PRMT3: variants seen among roughly 807,000 people sequenced by gnomAD.
The protein encoded by PRMT3 is protein arginine methyltransferase 3, also known as protein arginine N-methyltransferase 3.
In PRMT3, 62 loss-of-function variants were observed where a neutral mutation model predicts 71.9. The ratio of observed to expected loss-of-function variants is 0.86; its 90% confidence interval spans 0.70 to 1.07. The LOEUF (loss-of-function observed/expected upper bound fraction) is 1.07, where lower values mean the gene tolerates loss of function less well. Among genes scored for constraint, PRMT3 ranks in the 50% least tolerant of loss-of-function variants. PRMT3 has a pLI of 0.00. For synonymous variants in PRMT3, 213 were observed against 220.4 expected (o/e 0.97, Z 0.30); for missense variants, 663 against 643.0 (o/e 1.03, Z -0.34).
chr11:20,423,511 G>T (rs1590053481), intron 9 of PRMT3, among the ~76,000 whole-genome samples: 1 of 152,132 alleles, frequency 6.6e-6, no homozygotes, highest in South Asian at 2.1e-4. Flanking sequence ...TTGCAACAGA[G>T]ATCATATGTC....
chr11:20,389,598 A>T (rs1848667961), intron 2 of PRMT3, 146 bp from the exon 3 acceptor site: 1 of 527,040 alleles, frequency 1.9e-6, no homozygotes, highest in African/African-American at 1.9e-5. Context: ...TTCCTTTCAG[A>T]TACAAGTGTG....
intron 10 of PRMT3, among the ~76,000 whole-genome samples, chr11:20,434,072 A>G (rs1849713223): frequency 6.6e-6 from 1 of 152,040 alleles, no homozygotes; most frequent in Non-Finnish European, 1.5e-5. Context: ...AGCCATTCTG[A>G]CTGGTGTGAG....
At chr11:20,398,646 G>T (rs1292668642) in intron 7 of PRMT3, among the ~76,000 whole-genome samples, 1 of 152,044 alleles carries the variant, frequency 6.6e-6, no homozygotes, top group Non-Finnish European at 1.5e-5. Context: ...GTAGAGACGG[G>T]GTTTCACCGT....
intron 13 of PRMT3, among the ~76,000 whole-genome samples, chr11:20,477,309 C>T (rs1850814790): frequency 6.6e-6 from 1 of 152,144 alleles, no homozygotes; most frequent in African/African-American, 2.4e-5. Context: ...GGTGTAGCAG[C>T]TCACGGCTGT....
chr11:20,496,200 T>A (rs1851328312), intron 15 of PRMT3, among the ~76,000 whole-genome samples: 1 of 152,150 alleles, frequency 6.6e-6, no homozygotes, highest in Non-Finnish European at 1.5e-5. Context: ...TAAATAAATG[T>A]GGTAGTTGCA....
chr11:20,402,857 C>T (rs1298848821), intron 7 of PRMT3, 62 bp from the exon 8 acceptor site: 2 of 1,344,808 alleles, frequency 1.5e-6, no homozygotes, highest in Admixed American at 3.7e-5. Context: ...AAATATCTCC[C>T]TTAAAAAATT....
chr11:20,476,218 T>C (rs1253547859), intron 13 of PRMT3, among the ~76,000 whole-genome samples: 1 of 151,798 alleles, frequency 6.6e-6, no homozygotes, highest in East Asian at 2.0e-4. Context: ...CCAGGCGTGA[T>C]GGCAGGCGCC....
At chr11:20,492,472 G>GAACC (rs1464575229) in intron 13 of PRMT3, among the ~76,000 whole-genome samples, 1 of 152,092 alleles carries the variant, frequency 6.6e-6, no homozygotes, top group Non-Finnish European at 1.5e-5. Context: ...AAATTGCAGT[G>GAACC]AACCTCAGGG....
At chr11:20,411,875 T>G (rs1849200891) in intron 9 of PRMT3, among the ~76,000 whole-genome samples, 2 of 152,282 alleles carry the variant, frequency 1.3e-5, no homozygotes, top group East Asian at 3.9e-4. Context: ...TCACAGTTGA[T>G]TCAGAGGGAA....
chr11:20,391,886 A>G (rs138331109), intron 3 of PRMT3, among the ~76,000 whole-genome samples: 8 of 137,030 alleles, frequency 5.8e-5, no homozygotes, highest in Admixed American at 7.7e-5. Flanking sequence ...CTCTGATATC[A>G]GTTGCCAAAT....
intron 13 of PRMT3, among the ~76,000 whole-genome samples, chr11:20,475,671 T>G (rs1005974227): frequency 2.5e-5 from 2 of 81,162 alleles, no homozygotes; most frequent in Non-Finnish European, 5.4e-5. Flanking sequence ...TTTTTTTTTT[T>G]GAGACAGAGT....
intron 15 of PRMT3, 53 bp from the exon 16 acceptor site, chr11:20,508,251 T>A: frequency 9.7e-7 from 1 of 1,028,972 alleles, no homozygotes; most frequent in Non-Finnish European, 1.5e-6. Context: ...TGTTTACTTT[T>A]CTGCTACACT....
At chr11:20,444,674 G>GTC (rs977350970) in intron 10 of PRMT3, among the ~76,000 whole-genome samples, 1 of 152,050 alleles carries the variant, frequency 6.6e-6, no homozygotes, top group Non-Finnish European at 1.5e-5. Context: ...CCAGCATGTG[G>GTC]TCTCTCTCAT....
chr11:20,433,241 G>T (rs1849691989), intron 10 of PRMT3, among the ~76,000 whole-genome samples: 1 of 151,810 alleles, frequency 6.6e-6, no homozygotes. Flanking sequence ...AGTGTCTGTT[G>T]TTCCCTTCTC....
chr11:20,389,353 G>T (rs1433352572), intron 2 of PRMT3, among the ~76,000 whole-genome samples: 1 of 152,220 alleles, frequency 6.6e-6, no homozygotes, highest in African/African-American at 2.4e-5. Context: ...AGCTGTGCCA[G>T]TTCAAAGCCT....
At chr11:20,478,817 T>G (rs1850860083) in intron 13 of PRMT3, among the ~76,000 whole-genome samples, 1 of 152,220 alleles carries the variant, frequency 6.6e-6, no homozygotes, top group African/African-American at 2.4e-5. Flanking sequence ...TCTTTAAATC[T>G]TATAATGCTT....
intron 9 of PRMT3, among the ~76,000 whole-genome samples, chr11:20,422,581 A>G (rs1204082519): frequency 1.3e-5 from 2 of 152,140 alleles, no homozygotes; most frequent in African/African-American, 4.8e-5. Flanking sequence ...GTCCACTAGC[A>G]GGTTCTCTAA....
chr11:20,395,025 A>G (rs1848794547), intron 5 of PRMT3, among the ~76,000 whole-genome samples: 1 of 152,210 alleles, frequency 6.6e-6, no homozygotes, highest in African/African-American at 2.4e-5. Context: ...TAGTTCCTCC[A>G]TAAACAGATA....
intron 9 of PRMT3, among the ~76,000 whole-genome samples, chr11:20,424,048 G>A (rs555730919): frequency 3.6e-4 from 54 of 151,928 alleles, no homozygotes; most frequent in African/African-American, 1.1e-3. Flanking sequence ...GCTGGGTGTG[G>A]TGGCGGGCGC....
Sources: allele counts gnomAD v4.1 joint callset (sites outside exome capture counted in the v4.1 genomes callset), GRCh38; gene constraint gnomAD v4.1.1; transcripts MANE v1.5; gene names NCBI Gene and HGNC (gene_info 2026-07-23, HGNC 2026-07-21).